NPEPPS: variants seen among roughly 807,000 people sequenced by gnomAD.
NPEPPS encodes aminopeptidase puromycin sensitive, also known as puromycin-sensitive aminopeptidase.
Under a neutral mutation model 115.5 loss-of-function variants are expected in NPEPPS, and 14 were observed. The observed-to-expected ratio is 0.12, with a 90% CI of 0.08 to 0.19. NPEPPS has a LOEUF of 0.19. Among genes scored for constraint, NPEPPS ranks in the 10% least tolerant of loss-of-function variants. The pLI, the probability that NPEPPS is intolerant of heterozygous loss-of-function variation, is 1.00. For synonymous variants in NPEPPS, 285 were observed against 390.6 expected (o/e 0.73, Z 3.19); for missense variants, 523 against 1,110.8 (o/e 0.47, Z 7.52).
At position 47,621,912 on chromosome 17, in the gene NPEPPS, A is replaced by G; in HGVS notation, c.2752A>G (p.Thr918Ala). 6.2e-7 allele frequency: 1 copy of G among 1,611,674 alleles called. No homozygotes were observed. The highest frequency in any genetic ancestry group is 8.5e-7 in the Non-Finnish European group (1 of 1,178,826). Residue 918 changes from threonine to alanine, a missense_variant, in exon 23 of 23, where the codon ACA (threonine) becomes GCA (alanine). Coordinates refer to ENST00000322157, the MANE Select transcript of NPEPPS (RefSeq NM_006310.4). ...CCTTCAGCGGAAGGCCTCACCACCC[A>G]CAGTGTGAATCCTGAGGTGCCGCCA... ...YLLQRKASPP[T>A]V
intron 12 of NPEPPS, 87 bp downstream of exon 12, chr17:47,592,632 T>C (rs866352128): frequency 8.2e-7 from 1 of 1,226,168 alleles, no homozygotes. Context: ...TTCTGAATAC[T>C]TAAGGTCAGG....
intron 19 of NPEPPS, among the ~76,000 whole-genome samples, chr17:47,615,069 CTTTCTTTTTT>C (rs1250471878): frequency 8.4e-6 from 1 of 119,682 alleles, no homozygotes; most frequent in African/African-American, 3.2e-5. Context: ...GGTTTACTTT[CTTTCTTTTTT>C]TTTTTTTTTT....
At chr17:47,542,840 T>C (rs988838215) in intron 1 of NPEPPS, among the ~76,000 whole-genome samples, 1 of 151,988 alleles carries the variant, frequency 6.6e-6, no homozygotes, top group African/African-American at 2.4e-5. Flanking sequence ...TATGACTAAA[T>C]TGAAAAATGC....
At chr17:47,546,749 A>G (rs930439413) in intron 2 of NPEPPS, among the ~76,000 whole-genome samples, 2 of 152,030 alleles carry the variant, frequency 1.3e-5, no homozygotes, top group Non-Finnish European at 2.9e-5. Context: ...TATATTGGCC[A>G]GGCTGGTCTT....
In NPEPPS at chr17:47,531,731, TGGGGCTGGGGCC is replaced by T. The variant is rs1273817877; in HGVS notation, c.255+182_255+193del. On this transcript the variant is annotated intron_variant, in intron 1 of 22. Transcript: ENST00000322157. Reference sequence around the variant, plus strand: ...GCTCTGTTGGGGCTGGGGCTGGGGCTGGGGCTGGGGCCGGGGCAGGGACCGTGGCCGGAGCTG... The same window carrying T: ...GCTCTGTTGGGGCTGGGGCTGGGGCTGGGGCAGGGACCGTGGCCGGAGCTG... Among the ~76,000 whole-genome samples, 6 of 18,882 alleles carry T rather than the reference TGGGGCTGGGGCC, an allele frequency of 3.2e-4. No individual in the cohort carries two copies. In the Admixed American group the frequency reaches 3.3e-3, roughly 11 times the overall value. The allele number at this position is 18,882 out of a possible 152,430, so 12.4% of individuals were successfully genotyped here. A position where few individuals can be genotyped will look rare whatever the true frequency, so the allele number is the denominator to read the frequency against.
At chr17:47,534,542 A>T (rs952260889) in intron 1 of NPEPPS, among the ~76,000 whole-genome samples, 7 of 152,084 alleles carry the variant, frequency 4.6e-5, no homozygotes, top group African/African-American at 1.7e-4. Context: ...TTAGAAACTT[A>T]GTGGATTTAT....
chr17:47,606,469 T>C (rs1048025959), intron 17 of NPEPPS, among the ~76,000 whole-genome samples: 1 of 152,036 alleles, frequency 6.6e-6, no homozygotes, highest in Non-Finnish European at 1.5e-5. Flanking sequence ...TTCTTTTTTT[T>C]TTTTTGAGAT....
chr17:47,594,152 CAAAAG>C (rs1912689010), intron 12 of NPEPPS, among the ~76,000 whole-genome samples: 2 of 152,072 alleles, frequency 1.3e-5, no homozygotes, highest in Admixed American at 6.5e-5. Flanking sequence ...AACGCGGTCT[CAAAAG>C]AAAATAAGGT....
chr17:47,567,220 T>C (rs1910879332), intron 2 of NPEPPS, among the ~76,000 whole-genome samples: 1 of 152,234 alleles, frequency 6.6e-6, no homozygotes, highest in Admixed American at 6.5e-5. Flanking sequence ...TCTCATTTTC[T>C]TCATCTGTAA....
intron 20 of NPEPPS, 64 bp downstream of exon 20, chr17:47,618,521 A>T (rs979462647): frequency 7.1e-6 from 8 of 1,129,324 alleles, no homozygotes; most frequent in Non-Finnish European, 1.1e-5. Flanking sequence ...AGTGTCTCTG[A>T]TTCAGCTCTG....
Position 47,531,445 on chromosome 17 carries a change from A to C in NPEPPS, c.145A>C (p.Arg49=). 6.4e-7 allele frequency: 1 copy of C among 1,559,608 alleles called. No individual in the cohort carries two copies. The highest frequency in any genetic ancestry group is 8.7e-7 in the Non-Finnish European group (1 of 1,154,134). ...SLGLAAMPEK[R]PFERLPADVS... ...GGGCCTCGCCGCGATGCCGGAGAAG[A>C]GGCCCTTCGAGCGGCTGCCTGCCGA... Residue 49 remains arginine, a synonymous_variant, in exon 1 of 23, where the codon AGG becomes CGG. Coordinates refer to ENST00000322157, the MANE Select transcript of NPEPPS (RefSeq NM_006310.4).
intron 15 of NPEPPS, among the ~76,000 whole-genome samples, chr17:47,602,497 T>C (rs527936899): frequency 6.6e-6 from 1 of 151,886 alleles, no homozygotes; most frequent in Non-Finnish European, 1.5e-5. Flanking sequence ...AATTAGCTAG[T>C]CGTGATGGTG....
Position 47,563,186 on chromosome 17 carries a change from C to T in NPEPPS, c.341-6231C>T, listed in dbSNP as rs368845844. ...AGCTGGGATTACAGGCGTGCACCAC[C>T]ACGCCTGGCTAATTTTTGTATTTTT... On this transcript the variant is annotated intron_variant, in intron 2 of 22. Transcript: ENST00000322157. 3.3e-5 allele frequency among the ~76,000 whole-genome samples: 5 copies of T among 151,966 alleles called. No individual in the cohort carries two copies. The East Asian group carries it at 7.7e-4, about 23-fold the overall frequency.
chr17:47,551,896 T>G lies in NPEPPS; in HGVS notation c.340+5903T>G, dbSNP rs574304380. Among the ~76,000 whole-genome samples the G allele has an allele frequency of 2.9e-5, 4 of 136,374 alleles. No individual in the cohort carries two copies. In the South Asian group the frequency reaches 7.7e-4, roughly 26 times the overall value. The allele number at this position is 136,374 out of a possible 152,430, so 89.5% of individuals were successfully genotyped here. Reference sequence around the variant, plus strand: ...GCATATTTTTCAAAGAGGAAGAGTTTATATAGTGTTAACATTAAGACAAAA... The same window carrying G: ...GCATATTTTTCAAAGAGGAAGAGTTGATATAGTGTTAACATTAAGACAAAA... On this transcript the variant is annotated intron_variant, in intron 2 of 22. Coordinates refer to ENST00000322157, the MANE Select transcript of NPEPPS (RefSeq NM_006310.4).
chr17:47,556,072 TC>T (rs1268646928), intron 2 of NPEPPS, among the ~76,000 whole-genome samples: 48 of 140,344 alleles, frequency 3.4e-4, no homozygotes, highest in African/African-American at 1.3e-3. Flanking sequence ...CAAGCAATTC[TC>T]TTTTTTTTTT....
intron 3 of NPEPPS, among the ~76,000 whole-genome samples, chr17:47,573,291 C>A (rs570123268): frequency 6.6e-6 from 1 of 152,180 alleles, no homozygotes; most frequent in South Asian, 2.1e-4. Flanking sequence ...TAGCATACTA[C>A]CTTTAAAATT....
intron 19 of NPEPPS, among the ~76,000 whole-genome samples, chr17:47,616,515 C>G (rs1914209935): frequency 6.6e-6 from 1 of 152,044 alleles, no homozygotes; most frequent in Non-Finnish European, 1.5e-5. Context: ...GAAACCCTGT[C>G]TCTACTAAAT....
intron 2 of NPEPPS, among the ~76,000 whole-genome samples, chr17:47,546,428 A>C (rs1184845691): frequency 1.3e-5 from 2 of 152,226 alleles, no homozygotes; most frequent in Non-Finnish European, 2.9e-5. Flanking sequence ...CCTGACTCAA[A>C]AAAAGAAAAA....
intron 3 of NPEPPS, among the ~76,000 whole-genome samples, chr17:47,577,354 TA>T (rs1160063593): frequency 6.6e-6 from 1 of 152,066 alleles, no homozygotes; most frequent in Non-Finnish European, 1.5e-5. Context: ...TAGTTTCCAT[TA>T]AAGGTAGTAG....
Sources: gnomAD v4.1 joint callset for allele counts (sites outside exome capture counted in the v4.1 genomes callset) on GRCh38, gnomAD v4.1.1 for gene constraint, MANE v1.5 for transcripts, NCBI Gene and HGNC (gene_info 2026-07-23, HGNC 2026-07-21) for gene names.